The following FGF2 variants were observed in gnomAD, a reference collection of about 807,000 sequenced individuals.
FGF2 encodes the protein basic fibroblast growth factor bFGF.
FGF2 carries 13 observed loss-of-function variants against 15.9 expected under a neutral mutation model. The ratio of observed to expected loss-of-function variants is 0.82; its 90% CI spans 0.53 to 1.30. The LOEUF (loss-of-function observed/expected upper bound fraction) is 1.30, where lower values mean the gene tolerates loss of function less well. FGF2 is among the 50% of genes most tolerant of loss of function. The pLI, the probability that FGF2 is intolerant of heterozygous loss-of-function variation, is 0.00. For missense variants in FGF2, 163 were observed against 196.9 expected, an observed-to-expected ratio of 0.83 and a Z score of 1.03; for synonymous variants, 90 against 78.4, an observed-to-expected ratio of 1.15 and a Z score of -0.78.
At chr4:122,853,569 A>G (rs975524291) in intron 1 of FGF2, among the ~76,000 whole-genome samples, 2 of 152,184 alleles carry the variant, frequency 1.3e-5, no homozygotes, top group Admixed American at 6.5e-5. Context: ...GGAATCAGGA[A>G]ATATTTCAGG....
intron 1 of FGF2, among the ~76,000 whole-genome samples, chr4:122,848,482 T>C (rs763780749): frequency 1.3e-5 from 2 of 152,160 alleles, no homozygotes; most frequent in African/African-American, 2.4e-5. Flanking sequence ...CTGTTGCCTG[T>C]ATTCTGGAGA....
At chr4:122,874,906 AT>A (rs954746708) in intron 1 of FGF2, among the ~76,000 whole-genome samples, 1 of 152,044 alleles carries the variant, frequency 6.6e-6, no homozygotes, top group Non-Finnish European at 1.5e-5. Flanking sequence ...CTAAAATTGC[AT>A]TTTTTTCTGT....
At chr4:122,849,540 T>C (rs1010270226) in intron 1 of FGF2, among the ~76,000 whole-genome samples, 5 of 152,016 alleles carry the variant, frequency 3.3e-5, no homozygotes, top group Non-Finnish European at 5.9e-5. Context: ...CCATGGCACG[T>C]GTATACCTGT....
chr4:122,857,428 A>G (rs951294073), intron 1 of FGF2, among the ~76,000 whole-genome samples: 1 of 152,200 alleles, frequency 6.6e-6, no homozygotes, highest in African/African-American at 2.4e-5. Flanking sequence ...AGCTTCTGGA[A>G]TGCCACAAGA....
chr4:122,862,484 G>C (rs1464028846), intron 1 of FGF2, among the ~76,000 whole-genome samples: 1 of 152,180 alleles, frequency 6.6e-6, no homozygotes, highest in East Asian at 1.9e-4. Context: ...TGGTCCTACT[G>C]TTTAACTAAT....
At chr4:122,852,048 A>G (rs533928059) in intron 1 of FGF2, among the ~76,000 whole-genome samples, 2 of 152,310 alleles carry the variant, frequency 1.3e-5, no homozygotes, top group South Asian at 4.2e-4. Context: ...TATTATTCCT[A>G]AATCTCTCAA....
chr4:122,841,727 C>T (rs1010851552), intron 1 of FGF2, among the ~76,000 whole-genome samples: 4 of 152,264 alleles, frequency 2.6e-5, no homozygotes, highest in East Asian at 1.9e-4. Context: ...ATGTTTTTTG[C>T]TAGACCGTCC....
chr4:122,844,571 T>TCCTTCCTTCCTTCC (rs1344813798), intron 1 of FGF2, among the ~76,000 whole-genome samples: 120 of 128,380 alleles, frequency 9.3e-4, no homozygotes, highest in African/African-American at 4.1e-3. Context: ...CTTTCTTTCT[T>TCCTTCCTTCCTTCC]TTTCTTTCTT....
intron 1 of FGF2, among the ~76,000 whole-genome samples, chr4:122,833,476 A>G (rs1318312203): frequency 6.6e-6 from 1 of 152,200 alleles, no homozygotes; most frequent in African/African-American, 2.4e-5. Context: ...AGCCAAGAAA[A>G]AAGTATTTTT....
rs983926260 is a variant in FGF2 at position 122,894,943 on chromosome 4, A to G, written c.*2547A>G. ...AAGTTCGGCATGTAGCTCATGATCT[A>G]TGCTGTTTCTATGTCGTGGAAGCAC... On this transcript the variant is annotated 3_prime_UTR_variant, in exon 3 of 3. Coordinates refer to ENST00000644866, the MANE Select transcript of FGF2 (RefSeq NM_001361665.2). The G allele has an allele frequency of 5.9e-5, 9 of 152,284 alleles. No homozygotes were observed. The highest frequency in any genetic ancestry group is 2.1e-4 in the South Asian group (1 of 4,820). 9.4% of individuals were successfully genotyped at this position (152,284 alleles called of 1,614,324 possible). A position where few individuals can be genotyped will look rare whatever the true frequency, so the allele number is the denominator to read the frequency against.
chr4:122,846,795 G>A (rs1726121405), intron 1 of FGF2, among the ~76,000 whole-genome samples: 1 of 152,214 alleles, frequency 6.6e-6, no homozygotes, highest in Non-Finnish European at 1.5e-5. Flanking sequence ...TGAGGAAGTG[G>A]ATGCAGATGT....
chr4:122,897,837 TTTC>T lies in FGF2; in HGVS notation c.*5447_*5449del, dbSNP rs1300056984. ...TCTAGCTTCCATCCTTTCTCCCTCGTTTCTTCTTTTTTTGGGGGAGCTGGTAAC... is the reference window on the plus strand; with the variant it reads ...TCTAGCTTCCATCCTTTCTCCCTCGTTTCTTTTTTTGGGGGAGCTGGTAAC... On this transcript the variant is annotated 3_prime_UTR_variant, in exon 3 of 3. Transcript: ENST00000644866. 3 of 599,998 alleles carry T rather than the reference TTTC, an allele frequency of 5.0e-6. No homozygotes were observed. Among genetic ancestry groups the T allele is most frequent in the South Asian group, 4.4e-5 (2 of 45,426 alleles). The allele number at this position is 599,998 out of a possible 1,614,324, so 37.2% of individuals were successfully genotyped here. A position where few individuals can be genotyped will look rare whatever the true frequency, so the allele number is the denominator to read the frequency against.
chr4:122,830,153 G>A (rs1037912207), intron 1 of FGF2, among the ~76,000 whole-genome samples: 2 of 152,218 alleles, frequency 1.3e-5, no homozygotes, highest in African/African-American at 4.8e-5. Flanking sequence ...GAAAGGCCAA[G>A]TTCAACCATT....
At position 122,826,993 on chromosome 4, in the gene FGF2, G is replaced by C; in HGVS notation, c.-182G>C. The C allele has an allele frequency of 7.9e-7, 1 of 1,266,954 alleles. No homozygotes were observed. The highest frequency in any genetic ancestry group is 9.9e-7 in the Non-Finnish European group (1 of 1,006,196). The allele number at this position is 1,266,954 out of a possible 1,614,324, so 78.5% of individuals were successfully genotyped here. ...ACCAGGGGCCGGCGGACAGAAGAGCGGCCGAGCGGCTCGAGGCTGGGGGAC... is the reference window on the plus strand; with the variant it reads ...ACCAGGGGCCGGCGGACAGAAGAGCCGCCGAGCGGCTCGAGGCTGGGGGAC... On this transcript the variant is annotated 5_prime_UTR_variant, in exon 1 of 3. Transcript: ENST00000644866.
chr4:122,854,607 C>T (rs927621294), intron 1 of FGF2, among the ~76,000 whole-genome samples: 1 of 152,158 alleles, frequency 6.6e-6, no homozygotes. Flanking sequence ...GACTTTCAGG[C>T]AAAGGAGCCG....
In FGF2 at chr4:122,827,435, C is replaced by G; in HGVS notation, c.178+83C>G. ...TCTCCCCTCCAGCCTGCACCCTCCT[C>G]CCGGATCTTCACTGCGACCCTAGCG... On this transcript the variant is annotated intron_variant, in intron 1 of 2. Coordinates refer to ENST00000644866, the MANE Select transcript of FGF2 (RefSeq NM_001361665.2). The surrounding 1 kb of genome is among the most constrained non-coding windows in gnomAD (Gnocchi z 4.2). 1 of 1,492,102 alleles carries G rather than the reference C, an allele frequency of 6.7e-7. No individual in the cohort carries two copies. Among genetic ancestry groups the G allele is most frequent in the Non-Finnish European group, 9.3e-7 (1 of 1,078,738 alleles). 92.4% of individuals were successfully genotyped at this position (1,492,102 alleles called of 1,614,324 possible).
In FGF2 at chr4:122,892,630, A is replaced by T; in HGVS notation, c.*234A>T. Reference sequence around the variant, plus strand: ...CATCTGCTGTTACCCAGTGAAGCTTACCTAGAGCAATGATCTTTTTCACGC... The same window carrying T: ...CATCTGCTGTTACCCAGTGAAGCTTTCCTAGAGCAATGATCTTTTTCACGC... On this transcript the variant is annotated 3_prime_UTR_variant, in exon 3 of 3. Coordinates refer to ENST00000644866, the MANE Select transcript of FGF2 (RefSeq NM_001361665.2). 7.0e-7 allele frequency: 1 copy of T among 1,426,248 alleles called. No individual in the cohort carries two copies. The highest frequency in any genetic ancestry group is 9.2e-7 in the Non-Finnish European group (1 of 1,092,346). 88.3% of individuals were successfully genotyped at this position (1,426,248 alleles called of 1,614,324 possible).
rs1222395640 is a variant in FGF2, at chr4:122,898,053, A to G, written c.*5657A>G. 1.8e-5 allele frequency: 3 copies of G among 170,418 alleles called. No homozygotes were observed. Among genetic ancestry groups the G allele is most frequent in the Non-Finnish European group, 3.7e-5 (3 of 80,026 alleles). 10.6% of individuals were successfully genotyped at this position (170,418 alleles called of 1,614,324 possible). ...CTTACAGATGCTGCTATAAATAAGT[A>G]GAAAATATAAATTTCATCACTAAAA... On this transcript the variant is annotated 3_prime_UTR_variant, in exon 3 of 3. Transcript: ENST00000644866.
rs772679777 is a variant in FGF2 at position 122,892,261 on chromosome 4, C to A, written c.333C>A (p.Asn111Lys). Residue 111 changes from asparagine to lysine, a missense_variant, in exon 3 of 3, where the codon AAC becomes AAA. Asn to Lys is a moderately conservative substitution (Grantham distance 94, BLOSUM62 0). Transcript: ENST00000644866. ...CFFFERLESNNYNTYRSRKYT... is the reference protein window; with the variant it reads ...CFFFERLESNKYNTYRSRKYT... ...TTTTTGAACGATTGGAATCTAATAA[C>A]TACAATACTTACCGGTCAAGGAAAT... The A allele has an allele frequency of 6.2e-7, 1 of 1,613,720 alleles. No homozygotes were observed. Among genetic ancestry groups the A allele is most frequent in the African/African-American group, 1.3e-5 (1 of 74,978 alleles).
Sources: gnomAD v4.1 joint callset for allele counts (sites outside exome capture counted in the v4.1 genomes callset) on GRCh38, gnomAD v4.1.1 for gene constraint, Gnocchi (gnomAD v3.1) non-coding constraint, MANE v1.5 for transcripts, NCBI Gene and HGNC (gene_info 2026-07-23, HGNC 2026-07-21) for gene names.